Variants in SH3PXD2A observed in about 807,000 individuals in gnomAD.
The protein encoded by SH3PXD2A is SH3 and PX domain-containing protein 2A.
SH3PXD2A carries 32 observed loss-of-function variants against 115.2 expected under a neutral mutation model. The ratio of observed to expected loss-of-function variants is 0.28; its 90% CI spans 0.21 to 0.37. The LOEUF (loss-of-function observed/expected upper bound fraction) is 0.37. Ranked by LOEUF, SH3PXD2A falls within the 10% of genes least tolerant of loss-of-function variation. SH3PXD2A has a pLI of 1.00. For synonymous variants in SH3PXD2A, 610 were observed against 629.1 expected, an observed-to-expected ratio of 0.97 and a Z score of 0.45; for missense variants, 1,328 against 1,498.7, an observed-to-expected ratio of 0.89 and a Z score of 1.88.
At chr10:103,687,288 G>A (rs905908767) in intron 6 of SH3PXD2A, among the ~76,000 whole-genome samples, 31 of 152,108 alleles carry the variant, frequency 2.0e-4, no homozygotes, top group African/African-American at 5.1e-4. Flanking sequence ...CCACAATTGT[G>A]TAAGCTAGTT....
intron 2 of SH3PXD2A, among the ~76,000 whole-genome samples, chr10:103,791,986 G>C (rs1433430023): frequency 6.6e-6 from 1 of 152,074 alleles, no homozygotes; most frequent in East Asian, 1.9e-4. Context: ...CTGCCAAAGG[G>C]GAACTCAGGA....
intron 2 of SH3PXD2A, among the ~76,000 whole-genome samples, chr10:103,768,432 G>A (rs2038782183): frequency 6.6e-6 from 1 of 152,220 alleles, no homozygotes; most frequent in African/African-American, 2.4e-5. Context: ...TGCAAAAAGA[G>A]CCTGGCAAGG....
intron 5 of SH3PXD2A, among the ~76,000 whole-genome samples, chr10:103,704,432 C>T (rs896585372): frequency 2.6e-5 from 4 of 152,210 alleles, no homozygotes; most frequent in Non-Finnish European, 4.4e-5. Flanking sequence ...TGGCTGGCAG[C>T]ACTGGGGGTG....
chr10:103,608,425 G>A (rs1406754351), intron 13 of SH3PXD2A, among the ~76,000 whole-genome samples: 1 of 98,242 alleles, frequency 1.0e-5, no homozygotes, highest in Non-Finnish European at 2.0e-5. Flanking sequence ...ACCATTCCAT[G>A]TCAAGAAAAA....
chr10:103,605,099 T>C (rs988334748), intron 14 of SH3PXD2A, among the ~76,000 whole-genome samples: 2 of 152,232 alleles, frequency 1.3e-5, no homozygotes, highest in African/African-American at 4.8e-5. Flanking sequence ...GTGGCATGAA[T>C]GCTGGAAGAC....
At chr10:103,650,665 C>T (rs1245433963) in intron 8 of SH3PXD2A, among the ~76,000 whole-genome samples, 1 of 152,186 alleles carries the variant, frequency 6.6e-6, no homozygotes, top group Admixed American at 6.5e-5. Context: ...GCCTTCTGGA[C>T]CCACCCAGTC....
chr10:103,601,940 T>G lies in SH3PXD2A; in HGVS notation c.3278A>C (p.Gln1093Pro). Residue 1093 changes from glutamine to proline, a missense_variant, in exon 15 of 15, where the codon CAG (glutamine) becomes CCG (proline). Physicochemically the swap from Gln to Pro is moderately conservative, Grantham distance 76. Coordinates refer to ENST00000369774, the MANE Select transcript of SH3PXD2A (RefSeq NM_001394015.1). ...YEGDEETAGF[Q>P]EGVSMEVLER... Reference sequence around the variant, plus strand: ...CAGAACCTCCATGGACACCCCCTCCTGGAAGCCTGCTGTCTCCTCATCCCC... The same window carrying G: ...CAGAACCTCCATGGACACCCCCTCCGGGAAGCCTGCTGTCTCCTCATCCCC... 1 of 1,613,992 alleles carries G rather than the reference T, an allele frequency of 6.2e-7. No homozygotes were observed. The highest frequency in any genetic ancestry group is 8.5e-7 in the Non-Finnish European group (1 of 1,179,986).
chr10:103,789,764 C>T (rs924232401), intron 2 of SH3PXD2A, among the ~76,000 whole-genome samples: 1 of 144,858 alleles, frequency 6.9e-6, no homozygotes, highest in Non-Finnish European at 1.5e-5. Flanking sequence ...GCAGAGGCTG[C>T]AACTGCATTC....
chr10:103,657,957 G>A (rs999534679), intron 8 of SH3PXD2A, among the ~76,000 whole-genome samples: 4 of 152,230 alleles, frequency 2.6e-5, no homozygotes, highest in Admixed American at 6.5e-5. Context: ...CATGACCTCT[G>A]TTGAGGGGAG....
chr10:103,841,236 G>T (rs2039594907), intron 1 of SH3PXD2A, among the ~76,000 whole-genome samples: 1 of 152,140 alleles, frequency 6.6e-6, no homozygotes, highest in African/African-American at 2.4e-5. Flanking sequence ...CATGAGGAGG[G>T]GGCGTTAAAG....
chr10:103,602,083 T>G lies in SH3PXD2A; in HGVS notation c.3135A>C (p.Leu1045=), dbSNP rs2036223215. 2 of 1,600,446 alleles carry G rather than the reference T, an allele frequency of 1.2e-6. No individual in the cohort carries two copies. Among genetic ancestry groups the G allele is most frequent in the African/African-American group, 2.7e-5 (2 of 74,796 alleles). ...RAASQGSDSP[L]LPAQRNSIPV... is the part of the protein sequence containing the mutation. ...GTATGCTGTTGCGCTGGGCGGGCAG[T>G]AGGGGTGAGTCTGAACCCTGGCTGG... The change falls in exon 15 of 15, where the codon CTA becomes CTC. Residue 1045 remains leucine (L), a synonymous_variant. Transcript: ENST00000369774.
intron 3 of SH3PXD2A, chr10:103,736,912 G>A (rs764135407): frequency 2.4e-5 from 14 of 576,160 alleles, no homozygotes; most frequent in Middle Eastern, 4.5e-4. Context: ...GCCACAGGAT[G>A]CAGCCTAGTC....
At chr10:103,764,287 AGCAGGAGGAAG>A (rs1041427676) in intron 3 of SH3PXD2A, among the ~76,000 whole-genome samples, 3 of 152,174 alleles carry the variant, frequency 2.0e-5, no homozygotes, top group Admixed American at 2.0e-4. Context: ...GTTTCTAGTG[AGCAGGAGGAAG>A]GCCAGGGACA....
Position 103,612,906 on chromosome 10 carries a change from A to G in SH3PXD2A, c.1205T>C (p.Leu402Pro), listed in dbSNP as rs1355863959. 1.2e-6 allele frequency: 2 copies of G among 1,608,700 alleles called. No individual in the cohort carries two copies. Among genetic ancestry groups the G allele is most frequent in the Admixed American group, 1.7e-5 (1 of 59,356 alleles). ...GGCCACAGCTGGAGAGCCCTGGGCC[A>G]GCCTGGAGACAGTCCTGTCAGGAAC... The part of the protein sequence containing the change: ...VGVPDRTVSR[L>P]AQGSPAVARI... Residue 402 changes from leucine to proline, a missense_variant, in exon 12 of 15, where the codon CTG becomes CCG. This residue lies in a region of SH3PXD2A where 509 missense variants were observed against 628.3 expected (regional missense o/e 0.81). Coordinates refer to ENST00000369774, the MANE Select transcript of SH3PXD2A (RefSeq NM_001394015.1).
At position 103,756,920 on chromosome 10, in the gene SH3PXD2A, G is replaced by T. The variant is rs898817644; in HGVS notation, c.229+10174C>A. The stretch of plus-strand genomic sequence containing the variant: ...CAAGCTCCCGCCAGCCCCTTCTCCA[G>T]ACTCCACACAGGCCTTTGAGGCCTA... On this transcript the variant is annotated intron_variant, in intron 3 of 14. Coordinates refer to ENST00000369774, the MANE Select transcript of SH3PXD2A (RefSeq NM_001394015.1). This position sits in a 1 kb window ranked among gnomAD's most constrained non-coding sequence, Gnocchi z 4.4. Among the ~76,000 whole-genome samples the T allele has an allele frequency of 1.3e-5, 2 of 152,126 alleles. No homozygotes were observed. Among genetic ancestry groups the T allele is most frequent in the Non-Finnish European group, 2.9e-5 (2 of 68,018 alleles).
At chr10:103,799,130 G>T (rs4918054) in intron 2 of SH3PXD2A, among the ~76,000 whole-genome samples, 87,970 of 151,444 alleles carry the variant, frequency 0.58, 26,992 homozygotes, top group Middle Eastern at 0.72. Flanking sequence ...CCGGTCCCAG[G>T]GAATGTGCCC....
chr10:103,807,610 T>C (rs6584572), intron 1 of SH3PXD2A, among the ~76,000 whole-genome samples: 151,539 of 152,358 alleles, frequency 0.99, 75,364 homozygotes, highest in Middle Eastern at 1. Flanking sequence ...ACCTATACTT[T>C]ACATCCCAAA....
At chr10:103,648,567 C>G (rs1047035244) in intron 8 of SH3PXD2A, among the ~76,000 whole-genome samples, 4 of 152,200 alleles carry the variant, frequency 2.6e-5, no homozygotes, top group African/African-American at 9.7e-5. Flanking sequence ...CTGACATAAC[C>G]AAAAACGTCC....
chr10:103,780,371 T>C (rs1038495012), intron 2 of SH3PXD2A, among the ~76,000 whole-genome samples: 29 of 152,238 alleles, frequency 1.9e-4, no homozygotes, highest in Non-Finnish European at 1.8e-4. Context: ...CTCAGAACCT[T>C]CTTCCTCCAA....
Sources: allele counts gnomAD v4.1 joint callset (sites outside exome capture counted in the v4.1 genomes callset), GRCh38; gene constraint gnomAD v4.1.1; regional missense constraint gnomAD v4.1.1; non-coding constraint Gnocchi (gnomAD v3.1); transcripts MANE v1.5; gene names NCBI Gene and HGNC (gene_info 2026-07-23, HGNC 2026-07-21).